The following PCDH7 variants were observed in gnomAD, a reference collection of about 807,000 sequenced individuals.
PCDH7 encodes protocadherin-7.
PCDH7 carries 17 observed loss-of-function variants against 58.9 expected under a neutral mutation model. The ratio of observed to expected loss-of-function variants is 0.29; its 90% CI spans 0.20 to 0.43. The LOEUF (loss-of-function observed/expected upper bound fraction) is 0.43, where lower values mean the gene tolerates loss of function less well. Among genes scored for constraint, PCDH7 ranks in the 20% least tolerant of loss-of-function variants. PCDH7 has a pLI of 1.00. For synonymous variants in PCDH7, 664 were observed against 616.4 expected, an observed-to-expected ratio of 1.08 and a Z score of -1.14; for missense variants, 1,274 against 1,441.0, an observed-to-expected ratio of 0.88 and a Z score of 1.88.
intron 3 of PCDH7, among the ~76,000 whole-genome samples, chr4:30,994,912 T>C (rs35310460): frequency 0.17 from 26,043 of 152,076 alleles, 2,801 homozygotes; most frequent in South Asian, 0.27. Context: ...GCAGTTGAAA[T>C]GTGGCTAGTC....
chr4:30,797,691 A>G (rs1724979600), intron 1 of PCDH7, among the ~76,000 whole-genome samples: 1 of 152,060 alleles, frequency 6.6e-6, no homozygotes, highest in Admixed American at 6.5e-5. Flanking sequence ...ATATTTACCT[A>G]TCCTTCTTTC....
chr4:30,727,127 C>G (rs1560305254), intron 1 of PCDH7, among the ~76,000 whole-genome samples: 1 of 151,832 alleles, frequency 6.6e-6, no homozygotes, highest in Non-Finnish European at 1.5e-5. Context: ...TCTTTCAATT[C>G]CATACAGCAG....
chr4:30,769,082 T>G (rs1721082655), intron 1 of PCDH7, among the ~76,000 whole-genome samples: 1 of 152,214 alleles, frequency 6.6e-6, no homozygotes, highest in African/African-American at 2.4e-5. Context: ...TTCATAGCAA[T>G]TATTGGCAGA....
intron 3 of PCDH7, among the ~76,000 whole-genome samples, chr4:31,056,451 A>G (rs1757189265): frequency 9.0e-5 from 3 of 33,478 alleles, no homozygotes; most frequent in African/African-American, 6.6e-4. Flanking sequence ...GGAAAGAAAG[A>G]AAGAAAGAAG....
chr4:30,810,812 G>A (rs1726897735), intron 1 of PCDH7, among the ~76,000 whole-genome samples: 1 of 152,070 alleles, frequency 6.6e-6, no homozygotes. Flanking sequence ...GTTTCACCAT[G>A]TTGGCCAGGG....
At chr4:30,908,983 C>T (rs61794534) in intron 1 of PCDH7, among the ~76,000 whole-genome samples, 7,414 of 152,134 alleles carry the variant, frequency 0.049, 374 homozygotes, top group East Asian at 0.26. Flanking sequence ...TTATGTACCA[C>T]GATCAAGTCA....
At chr4:30,749,632 A>G (rs1718244248) in intron 1 of PCDH7, among the ~76,000 whole-genome samples, 1 of 152,186 alleles carries the variant, frequency 6.6e-6, no homozygotes, top group Non-Finnish European at 1.5e-5. Context: ...TAAGGGGAAG[A>G]AAAAGAGATA....
At chr4:30,800,708 T>A (rs1577858117) in intron 1 of PCDH7, among the ~76,000 whole-genome samples, 1 of 152,162 alleles carries the variant, frequency 6.6e-6, no homozygotes, top group Non-Finnish European at 1.5e-5. Flanking sequence ...TTCAACTGGA[T>A]GAGAAATCAT....
intron 3 of PCDH7, among the ~76,000 whole-genome samples, chr4:31,141,394 A>G (rs2109348215): frequency 6.6e-6 from 1 of 152,372 alleles, no homozygotes; most frequent in African/African-American, 2.4e-5. Flanking sequence ...TGGCAATAAA[A>G]AACAATAAAA....
chr4:30,766,608 G>A (rs1434120124), intron 1 of PCDH7, among the ~76,000 whole-genome samples: 2 of 151,468 alleles, frequency 1.3e-5, no homozygotes, highest in African/African-American at 4.9e-5. Flanking sequence ...ATATAATAAT[G>A]TGTTCTTTGT....
chr4:30,771,333 A>T (rs1402295519), intron 1 of PCDH7, among the ~76,000 whole-genome samples: 2 of 152,214 alleles, frequency 1.3e-5, no homozygotes, highest in African/African-American at 2.4e-5. Context: ...AAAACAAAAT[A>T]AGACTGTAAA....
chr4:30,854,552 A>G (rs924427677), intron 1 of PCDH7, among the ~76,000 whole-genome samples: 2 of 151,912 alleles, frequency 1.3e-5, no homozygotes, highest in African/African-American at 4.8e-5. Flanking sequence ...ATCTGGTTGA[A>G]TCTTCCTATT....
intron 1 of PCDH7, among the ~76,000 whole-genome samples, chr4:30,771,921 A>T (rs1390592045): frequency 1.3e-5 from 2 of 151,842 alleles, no homozygotes; most frequent in African/African-American, 4.8e-5. Flanking sequence ...CCCAGGCTGG[A>T]GTGCATTGGT....
intron 2 of PCDH7, among the ~76,000 whole-genome samples, chr4:30,928,772 A>G (rs1744206989): frequency 6.6e-6 from 1 of 152,106 alleles, no homozygotes; most frequent in South Asian, 2.1e-4. Flanking sequence ...CTCTTTATCT[A>G]CTCATCTTTG....
At chr4:31,141,789 A>G (rs1351478047) in intron 3 of PCDH7, among the ~76,000 whole-genome samples, 1 of 152,132 alleles carries the variant, frequency 6.6e-6, no homozygotes, top group African/African-American at 2.4e-5. Flanking sequence ...TGAACACATC[A>G]GCACATATTA....
intron 2 of PCDH7, among the ~76,000 whole-genome samples, chr4:30,927,486 G>T (rs1304272310): frequency 1.3e-5 from 2 of 151,662 alleles, no homozygotes; most frequent in African/African-American, 4.8e-5. Context: ...GTAGACATGG[G>T]AGACTTTTCA....
At chr4:31,013,467 G>A (rs1343801430) in intron 3 of PCDH7, among the ~76,000 whole-genome samples, 1 of 149,448 alleles carries the variant, frequency 6.7e-6, no homozygotes, top group African/African-American at 2.5e-5. Flanking sequence ...TATATAATAT[G>A]TGCATATATA....
intron 3 of PCDH7, among the ~76,000 whole-genome samples, chr4:31,131,757 C>T (rs1719022828): frequency 6.6e-6 from 1 of 152,026 alleles, no homozygotes; most frequent in Non-Finnish European, 1.5e-5. Context: ...CAATCCCAAG[C>T]AAAGAGTTTG....
chr4:31,058,696 C>A (rs999174359), intron 3 of PCDH7, among the ~76,000 whole-genome samples: 1 of 151,882 alleles, frequency 6.6e-6, no homozygotes, highest in Non-Finnish European at 1.5e-5. Context: ...AAGTTAATTG[C>A]CTGGCAGTCT....
Sources: allele counts gnomAD v4.1 joint callset (sites outside exome capture counted in the v4.1 genomes callset), GRCh38; gene constraint gnomAD v4.1.1; transcripts MANE v1.5; gene names NCBI Gene and HGNC (gene_info 2026-07-23, HGNC 2026-07-21).